TFDP2: variants seen among roughly 807,000 people sequenced by gnomAD.
The protein encoded by TFDP2 is transcription factor Dp-2.
TFDP2 carries 17 observed loss-of-function variants against 59.3 expected under a neutral mutation model. That is an observed-to-expected ratio of 0.29 (90% CI 0.20 to 0.43). The LOEUF (loss-of-function observed/expected upper bound fraction) is 0.43, where lower values mean the gene tolerates loss of function less well. Ranked by LOEUF, TFDP2 falls within the 20% of genes least tolerant of loss-of-function variation. TFDP2 has a pLI of 1.00. For synonymous variants in TFDP2, 180 were observed against 194.7 expected, an observed-to-expected ratio of 0.92 and a Z score of 0.63; for missense variants, 391 against 528.8, an observed-to-expected ratio of 0.74 and a Z score of 2.56.
intron 2 of TFDP2, 88 bp from the exon 3 acceptor site, chr3:142,093,215 TC>T (rs2061055174): frequency 1.3e-6 from 1 of 785,572 alleles, no homozygotes; most frequent in African/African-American, 1.8e-5. Flanking sequence ...CCATCAGACA[TC>T]CATATCAAAT....
intron 1 of TFDP2, among the ~76,000 whole-genome samples, chr3:142,105,275 A>AT (rs1260658444): frequency 5.9e-5 from 9 of 152,108 alleles, no homozygotes; most frequent in African/African-American, 2.2e-4. Flanking sequence ...TGCCTACCCA[A>AT]TATCATTTTC....
chr3:142,054,297 A>G (rs1350487144), intron 3 of TFDP2: 3 of 152,234 alleles, frequency 2.0e-5, no homozygotes, highest in Admixed American at 1.3e-4. Context: ...ATATAATAGA[A>G]TACTATTCAG....
intron 2 of TFDP2, chr3:142,093,939 T>C (rs760256102): frequency 3.9e-6 from 2 of 512,030 alleles, no homozygotes; most frequent in Non-Finnish European, 7.8e-6. Context: ...TACTGCTCAA[T>C]CCATGTCAGC....
At chr3:142,043,713 C>T in intron 3 of TFDP2, 2 of 1,206,812 alleles carry the variant, frequency 1.7e-6, no homozygotes, top group Non-Finnish European at 2.5e-6. Context: ...TGCGTGCTTC[C>T]TTGGTCTTAG....
chr3:142,035,721 T>C (rs1468653536), intron 3 of TFDP2, among the ~76,000 whole-genome samples: 1 of 152,152 alleles, frequency 6.6e-6, no homozygotes, highest in African/African-American at 2.4e-5. Context: ...CTTGTAATGG[T>C]AAGACTCATG....
intron 1 of TFDP2, among the ~76,000 whole-genome samples, chr3:142,109,390 G>A (rs2108664813): frequency 1.3e-5 from 2 of 150,224 alleles, no homozygotes; most frequent in Middle Eastern, 6.8e-3. Flanking sequence ...GGGCAACGGT[G>A]CGATCTCGGC....
At chr3:142,038,096 G>A (rs1255102371) in intron 3 of TFDP2, among the ~76,000 whole-genome samples, 1 of 152,058 alleles carries the variant, frequency 6.6e-6, no homozygotes, top group Admixed American at 6.6e-5. Flanking sequence ...TAAAGAAGAA[G>A]TAGAAGGGCC....
chr3:142,091,863 C>T (rs772867217), intron 3 of TFDP2, among the ~76,000 whole-genome samples: 1 of 152,186 alleles, frequency 6.6e-6, no homozygotes, highest in Non-Finnish European at 1.5e-5. Context: ...TTGCTGGCCG[C>T]TCACCTTCTG....
intron 3 of TFDP2, among the ~76,000 whole-genome samples, chr3:142,054,868 T>C (rs555157404): frequency 6.6e-5 from 10 of 152,254 alleles, no homozygotes; most frequent in Non-Finnish European, 1.5e-4. Flanking sequence ...TAAGAGATGG[T>C]ACAATCAACA....
Position 142,109,786 on chromosome 3 carries a change from A to T in TFDP2, c.-92-7945T>A, listed in dbSNP as rs78973593. Among the ~76,000 whole-genome samples the T allele has an allele frequency of 3.4e-3, 520 of 151,818 alleles. 2 individuals carry two copies. The highest frequency in any genetic ancestry group is 0.012 in the African/African-American group (488 of 41,216). On this transcript the variant is annotated intron_variant, in intron 1 of 12. Coordinates refer to ENST00000489671, the MANE Select transcript of TFDP2 (RefSeq NM_001178139.2). Reference sequence around the variant, plus strand: ...AAAAATAGTACGCAAGAATTTTTCTAAAAAAAACACTTTTATTTACTAAAA... The same window carrying T: ...AAAAATAGTACGCAAGAATTTTTCTTAAAAAAACACTTTTATTTACTAAAA...
At chr3:142,048,019 G>C (rs567785863) in intron 3 of TFDP2, among the ~76,000 whole-genome samples, 86 of 152,242 alleles carry the variant, frequency 5.6e-4, no homozygotes, top group African/African-American at 1.7e-3. Context: ...TGGGATTACA[G>C]GTGTGAGCTA....
At chr3:141,973,114 TATATATATA>T (rs146056720) in intron 8 of TFDP2, among the ~76,000 whole-genome samples, 14,335 of 124,534 alleles carry the variant, frequency 0.12, 973 homozygotes, top group East Asian at 0.18. Flanking sequence ...TATATATATA[TATATATATA>T]TTTTTTTTTT....
chr3:142,113,858 TCC>T (rs2061747852), intron 1 of TFDP2, among the ~76,000 whole-genome samples: 1 of 152,064 alleles, frequency 6.6e-6, no homozygotes, highest in Non-Finnish European at 1.5e-5. Context: ...AATAAGCAAT[TCC>T]TCAAAATAAC....
rs188987617 is a variant in TFDP2 at position 142,084,383 on chromosome 3, A to G, written c.82+8678T>C. ...ACCCTTGTACGCTGTTGGCAGGAATATAAGTTAGTACACTATGGAGAACAG... is the reference window on the plus strand; with the variant it reads ...ACCCTTGTACGCTGTTGGCAGGAATGTAAGTTAGTACACTATGGAGAACAG... On this transcript the variant is annotated intron_variant, in intron 3 of 12. Transcript: ENST00000489671. 5.3e-5 allele frequency among the ~76,000 whole-genome samples: 8 copies of G among 152,314 alleles called. No individual in the cohort carries two copies. In the East Asian group the frequency reaches 7.7e-4, roughly 15 times the overall value.
chr3:142,030,765 C>T lies in TFDP2; in HGVS notation c.83-25221G>A, dbSNP rs1298213715. 6.1e-4 allele frequency among the ~76,000 whole-genome samples: 69 copies of T among 112,990 alleles called. 1 individual carries two copies. The highest frequency in any genetic ancestry group is 7.6e-3 in the Middle Eastern group (1 of 132). The allele number at this position is 112,990 out of a possible 152,430, so 74.1% of individuals were successfully genotyped here. ...TCTTTTTTTTTTTTTTTTTTTGAGA[C>T]GGAGTCTCGCTCTGTCGCCCAGGCT... On this transcript the variant is annotated intron_variant, in intron 3 of 12. Coordinates refer to ENST00000489671, the MANE Select transcript of TFDP2 (RefSeq NM_001178139.2).
Position 141,983,312 on chromosome 3 carries a change from T to C in TFDP2, c.357-4630A>G, listed in dbSNP as rs549155918. Among the ~76,000 whole-genome samples, 11 of 152,130 alleles carry C rather than the reference T, an allele frequency of 7.2e-5. 1 individual carries two copies. Among genetic ancestry groups the C allele is most frequent in the African/African-American group, 2.7e-4 (11 of 41,506 alleles). On this transcript the variant is annotated intron_variant, in intron 6 of 12. Coordinates refer to ENST00000489671, the MANE Select transcript of TFDP2 (RefSeq NM_001178139.2). The stretch of plus-strand genomic sequence containing the variant: ...AAAAGGCAAAAGGCTATATAAAGAA[T>C]TACAACAAAAAACGAAACAACTCAA...
intron 9 of TFDP2, among the ~76,000 whole-genome samples, chr3:141,967,627 A>G (rs1050020854): frequency 6.6e-6 from 1 of 152,128 alleles, no homozygotes; most frequent in Non-Finnish European, 1.5e-5. Flanking sequence ...CCAGAAGACC[A>G]CAAGTTGATT....
intron 10 of TFDP2, among the ~76,000 whole-genome samples, chr3:141,963,036 T>C (rs970289807): frequency 1.3e-5 from 2 of 152,184 alleles, no homozygotes; most frequent in African/African-American, 2.4e-5. Flanking sequence ...CCCAGTATCA[T>C]TCCTATTTGT....
intron 3 of TFDP2, among the ~76,000 whole-genome samples, chr3:142,021,344 T>C (rs143714335): frequency 0.015 from 2,348 of 152,166 alleles, 27 homozygotes; most frequent in Non-Finnish European, 0.023. Context: ...TTCCTACATA[T>C]CACATACACG....
Sources: gnomAD v4.1 joint callset for allele counts (sites outside exome capture counted in the v4.1 genomes callset) on GRCh38, gnomAD v4.1.1 for gene constraint, MANE v1.5 for transcripts, NCBI Gene and HGNC (gene_info 2026-07-23, HGNC 2026-07-21) for gene names.